SHROOM3: variants seen among roughly 807,000 people sequenced by gnomAD.
SHROOM3 encodes protein Shroom3.
A neutral mutation model predicts 138.6 loss-of-function variants in SHROOM3; 47 were observed. The observed-to-expected ratio is 0.34, with a 90% CI of 0.27 to 0.43. The LOEUF (loss-of-function observed/expected upper bound fraction) is 0.43. SHROOM3 is among the 20% of genes least tolerant of loss of function. The pLI is 1.00. For missense variants in SHROOM3, 2,491 were observed against 2,596.5 expected (o/e 0.96, Z 0.88); for synonymous variants, 1,062 against 1,063.3 (o/e 1.00, Z 0.02).
At chr4:76,474,493 T>A (rs1731441426) in intron 1 of SHROOM3, among the ~76,000 whole-genome samples, 1 of 152,224 alleles carries the variant, frequency 6.6e-6, no homozygotes, top group Non-Finnish European at 1.5e-5. Context: ...TTCCATGCTT[T>A]GTAATGGTTA....
chr4:76,573,818 C>A (rs1327191425), intron 2 of SHROOM3, among the ~76,000 whole-genome samples: 1 of 152,222 alleles, frequency 6.6e-6, no homozygotes, highest in African/African-American at 2.4e-5. Flanking sequence ...CTCATCCCAG[C>A]AACTCCTGAC....
At chr4:76,627,075 C>A in intron 2 of SHROOM3, among the ~76,000 whole-genome samples, 1 of 152,184 alleles carries the variant, frequency 6.6e-6, no homozygotes, top group East Asian at 1.9e-4. Flanking sequence ...CCAGATTCTA[C>A]AGCCATATTA....
intron 2 of SHROOM3, among the ~76,000 whole-genome samples, chr4:76,610,332 G>C (rs1734735615): frequency 6.6e-6 from 1 of 152,204 alleles, no homozygotes; most frequent in Admixed American, 6.5e-5. Flanking sequence ...AATCACAGCT[G>C]TTCATTTCTG....
At chr4:76,707,050 T>C (rs1455117479) in intron 2 of SHROOM3, among the ~76,000 whole-genome samples, 1 of 152,238 alleles carries the variant, frequency 6.6e-6, no homozygotes, top group Admixed American at 6.5e-5. Flanking sequence ...TCACTTGAAC[T>C]GGATTCATTG....
intron 2 of SHROOM3, among the ~76,000 whole-genome samples, chr4:76,659,826 C>T (rs1268757351): frequency 2.6e-5 from 4 of 152,194 alleles, no homozygotes. Context: ...AGGTGATCCA[C>T]CCTTCTTGGC....
chr4:76,706,194 A>C (rs941126059), intron 2 of SHROOM3, among the ~76,000 whole-genome samples: 1 of 151,908 alleles, frequency 6.6e-6, no homozygotes, highest in East Asian at 1.9e-4. Flanking sequence ...AGCTCACTGC[A>C]ACCTCTACCT....
At chr4:76,509,841 T>G (rs1010987358) in intron 1 of SHROOM3, 3 of 152,194 alleles carry the variant, frequency 2.0e-5, no homozygotes, top group African/African-American at 7.2e-5. Flanking sequence ...TATTCAGAAG[T>G]GAGCTAAGAG....
chr4:76,506,920 G>A (rs1401092842), intron 1 of SHROOM3, among the ~76,000 whole-genome samples: 2 of 152,016 alleles, frequency 1.3e-5, no homozygotes, highest in Non-Finnish European at 2.9e-5. Flanking sequence ...TCCCATGTAT[G>A]TAAAAATAAT....
At position 76,436,057 on chromosome 4, in the gene SHROOM3, T is replaced by C. The variant is rs751596690; in HGVS notation, c.5T>C (p.Met2Thr). ...TTGAGGGATCATGTGTTTGGCATGA[T>C]GAGGACCACTGAAGACTTCCACAAG... M[M>T]RTTEDFHKPS... Residue 2 changes from methionine (M) to threonine (T), a missense_variant, in exon 1 of 11, where the codon ATG (methionine) becomes ACG (threonine). Met to Thr is a moderately conservative substitution (Grantham distance 81). This residue lies in a region of SHROOM3 where 284 missense variants were observed against 322.8 expected (regional missense o/e 0.88). Coordinates refer to ENST00000296043, the MANE Select transcript of SHROOM3 (RefSeq NM_020859.4). 6.2e-7 allele frequency: 1 copy of C among 1,613,834 alleles called. No individual in the cohort carries two copies. Among genetic ancestry groups the C allele is most frequent in the African/African-American group, 1.3e-5 (1 of 74,894 alleles).
At chr4:76,480,327 G>A (rs570471588) in intron 1 of SHROOM3, among the ~76,000 whole-genome samples, 2 of 152,276 alleles carry the variant, frequency 1.3e-5, no homozygotes, top group East Asian at 3.9e-4. Context: ...AAAAGGAAAA[G>A]CAGGGGTTGC....
rs561858622 is a variant in SHROOM3, at chr4:76,519,118, G to A, written c.169-36491G>A. On this transcript the variant is annotated intron_variant, in intron 1 of 10. Transcript: ENST00000296043. ...CCAGCAAAGGCTTCTGGTTGGTTAG[G>A]CTTAGGCCACATGCCCACCTGGGTG... Among the ~76,000 whole-genome samples, 5 of 152,282 alleles carry A rather than the reference G, an allele frequency of 3.3e-5. No individual in the cohort carries two copies. The South Asian group carries it at 1.0e-3, about 32-fold the overall frequency.
chr4:76,469,682 C>A (rs571506384), intron 1 of SHROOM3, among the ~76,000 whole-genome samples: 28 of 152,306 alleles, frequency 1.8e-4, no homozygotes, highest in Admixed American at 3.3e-4. Context: ...GTCACAAACT[C>A]CTGAGCTCAG....
chr4:76,575,937 A>C (rs1733928043), intron 2 of SHROOM3, among the ~76,000 whole-genome samples: 1 of 152,186 alleles, frequency 6.6e-6, no homozygotes, highest in Non-Finnish European at 1.5e-5. Flanking sequence ...TCTAAACTAC[A>C]ATGAGATATT....
At chr4:76,571,288 A>G (rs1379557101) in intron 2 of SHROOM3, among the ~76,000 whole-genome samples, 1 of 152,262 alleles carries the variant, frequency 6.6e-6, no homozygotes, top group Non-Finnish European at 1.5e-5. Context: ...CCAAGCTTTT[A>G]CATCAGTAAA....
intron 2 of SHROOM3, among the ~76,000 whole-genome samples, chr4:76,681,643 G>GT (rs1273723700): frequency 2.5e-5 from 3 of 120,280 alleles, no homozygotes; most frequent in Admixed American, 8.4e-5. Flanking sequence ...GTATGTGTCT[G>GT]GATGAGATTG....
At chr4:76,571,189 G>A (rs1283543189) in intron 2 of SHROOM3, among the ~76,000 whole-genome samples, 1 of 152,286 alleles carries the variant, frequency 6.6e-6, no homozygotes, top group East Asian at 1.9e-4. Context: ...TTTTACAGAC[G>A]AGGAGATAGA....
intron 1 of SHROOM3, among the ~76,000 whole-genome samples, chr4:76,498,950 A>G (rs1732030268): frequency 6.6e-6 from 1 of 152,114 alleles, no homozygotes; most frequent in African/African-American, 2.4e-5. Flanking sequence ...GAACAGCTGT[A>G]TTTTTCTAAC....
chr4:76,685,175 A>G (rs1577972572), intron 2 of SHROOM3, among the ~76,000 whole-genome samples: 2 of 152,148 alleles, frequency 1.3e-5, no homozygotes, highest in African/African-American at 4.8e-5. Flanking sequence ...TGTTGTTTAT[A>G]TTGGTCATTA....
rs561852157 is a variant in SHROOM3 at position 76,660,404 on chromosome 4, C to G, written c.324-49752C>G. On this transcript the variant is annotated intron_variant, in intron 2 of 10. Coordinates refer to ENST00000296043, the MANE Select transcript of SHROOM3 (RefSeq NM_020859.4). ...CCTGTCTGTTTTTAAATAGCTACCC[C>G]TAGGAGAGAGTCATCAACACCTCAG... 2.6e-5 allele frequency among the ~76,000 whole-genome samples: 4 copies of G among 152,198 alleles called. No homozygotes were observed. The South Asian group carries it at 8.3e-4, about 32-fold the overall frequency.
Sources: allele counts gnomAD v4.1 joint callset (sites outside exome capture counted in the v4.1 genomes callset), GRCh38; gene constraint gnomAD v4.1.1; regional missense constraint gnomAD v4.1.1; transcripts MANE v1.5; gene names NCBI Gene and HGNC (gene_info 2026-07-23, HGNC 2026-07-21).